Variants in DCP2 observed in about 807,000 individuals in gnomAD.
DCP2 encodes m7GpppN-mRNA hydrolase.
In DCP2, 30 loss-of-function variants were observed where a neutral mutation model predicts 56.1. That is an observed-to-expected ratio of 0.53 (90% confidence interval 0.40 to 0.73). DCP2 has a LOEUF of 0.73. DCP2 is among the 30% of genes least tolerant of loss of function. The pLI, the probability that DCP2 is intolerant of heterozygous loss-of-function variation, is 0.00. For missense variants in DCP2, 533 were observed against 502.7 expected, an observed-to-expected ratio of 1.06 and a Z score of -0.58; for synonymous variants, 197 against 163.3, an observed-to-expected ratio of 1.21 and a Z score of -1.57.
At chr5:113,007,380 C>G (rs1210058723) in intron 8 of DCP2, among the ~76,000 whole-genome samples, 1 of 11,608 alleles carries the variant, frequency 8.6e-5, no homozygotes, top group Non-Finnish European at 2.1e-4. Context: ...GGAAAGATTT[C>G]TTTCTTTCTT....
At chr5:112,987,396 A>T (rs756673921) in intron 2 of DCP2, among the ~76,000 whole-genome samples, 2 of 152,158 alleles carry the variant, frequency 1.3e-5, no homozygotes, top group Non-Finnish European at 2.9e-5. Flanking sequence ...ATATGAGGTG[A>T]TGATGGCATC....
chr5:113,001,304 A>T, intron 5 of DCP2, 53 bp from the exon 6 acceptor site: 1 of 1,598,112 alleles, frequency 6.3e-7, no homozygotes. Flanking sequence ...AAATCCTTTT[A>T]TAAGCTCCTT....
At chr5:112,996,295 A>G (rs896798402) in intron 4 of DCP2, among the ~76,000 whole-genome samples, 1 of 152,142 alleles carries the variant, frequency 6.6e-6, no homozygotes, top group Non-Finnish European at 1.5e-5. Context: ...CATTCTTCAT[A>G]GTTTATTAAT....
At chr5:112,986,160 T>A (rs1748274110) in intron 2 of DCP2, 174 bp downstream of exon 2, 8 of 574,232 alleles carry the variant, frequency 1.4e-5, no homozygotes, top group African/African-American at 5.5e-5. Context: ...ATATTAATAA[T>A]CATAATCATT....
At chr5:112,977,030 C>T (rs768601447) in intron 1 of DCP2, 44 bp downstream of exon 1, 2 of 1,454,622 alleles carry the variant, frequency 1.4e-6, no homozygotes, top group Non-Finnish European at 1.8e-6. Context: ...CGGGTTTTCT[C>T]AGTTTCGCGG....
intron 2 of DCP2, among the ~76,000 whole-genome samples, chr5:112,991,718 G>T (rs976041616): frequency 1.3e-5 from 2 of 151,820 alleles, no homozygotes; most frequent in Non-Finnish European, 2.9e-5. Context: ...TCTATTTCTT[G>T]TTATTACGCT....
In DCP2 at chr5:113,013,379, A is replaced by G; in HGVS notation, c.1158A>G (p.Gly386=). The change falls in exon 11 of 11, where the codon GGA becomes GGG. Residue 386 remains glycine, a synonymous_variant. Transcript: ENST00000389063. The stretch of plus-strand genomic sequence containing the variant: ...ACCAGTTGCTAGAACATGCTGAGGG[A>G]CAGCCCGTGGCATGTAATGGACATT... ...SEDQLLEHAE[G]QPVACNGHCK... 6.2e-7 allele frequency: 1 copy of G among 1,614,144 alleles called. No homozygotes were observed. Among genetic ancestry groups the G allele is most frequent in the East Asian group, 2.2e-5 (1 of 44,876 alleles).
chr5:112,995,958 C>CAG (rs1375467843), intron 4 of DCP2, among the ~76,000 whole-genome samples: 1 of 152,208 alleles, frequency 6.6e-6, no homozygotes, highest in Non-Finnish European at 1.5e-5. Flanking sequence ...TGTGTACATG[C>CAG]AGAGAGAGAT....
At chr5:112,986,341 CTTT>C (rs34825323) in intron 2 of DCP2, among the ~76,000 whole-genome samples, 2 of 144,482 alleles carry the variant, frequency 1.4e-5, no homozygotes, top group African/African-American at 5.0e-5. Context: ...AATTTTTTTT[CTTT>C]TTTTTTTTTA....
chr5:113,000,215 C>T (rs1213141905), intron 4 of DCP2, among the ~76,000 whole-genome samples: 1 of 152,118 alleles, frequency 6.6e-6, no homozygotes, highest in African/African-American at 2.4e-5. Flanking sequence ...TCTTTGGCCT[C>T]CCAAAGTACT....
chr5:113,008,229 G>A (rs1302952503), intron 9 of DCP2, 187 bp downstream of exon 9: 9 of 485,810 alleles, frequency 1.9e-5, no homozygotes, highest in East Asian at 1.8e-4. Context: ...AATTACAAAT[G>A]TATAATGTTG....
chr5:112,991,156 T>C (rs1164037596), intron 2 of DCP2, among the ~76,000 whole-genome samples: 3 of 152,194 alleles, frequency 2.0e-5, no homozygotes, highest in African/African-American at 4.8e-5. Context: ...TTGATACATA[T>C]GGTCATCTAG....
chr5:113,013,471 T>A lies in DCP2; in HGVS notation c.1250T>A (p.Ile417Asn), dbSNP rs1209984889. 2 of 1,613,856 alleles carry A rather than the reference T, an allele frequency of 1.2e-6. 1 individual carries two copies. The highest frequency in any genetic ancestry group is 2.7e-5 in the African/African-American group (2 of 74,880). The change falls in exon 11 of 11, where the codon ATC becomes AAC. Residue 417 changes from isoleucine (I) to asparagine (N), a missense_variant. Physicochemically the swap from Ile to Asn is moderately radical, Grantham distance 149 (BLOSUM62 -3). Transcript: ENST00000389063. ...FKFDHNAIMK[I>N]LDL is the part of the protein sequence containing the mutation. ...TTTGACCATAATGCTATAATGAAAA[T>A]CTTGGACCTTTGATAGCAGCACATG... is the stretch of plus-strand genomic sequence containing the variant.
chr5:113,012,380 C>T (rs1469676595), intron 10 of DCP2, among the ~76,000 whole-genome samples: 2 of 152,196 alleles, frequency 1.3e-5, no homozygotes, highest in African/African-American at 4.8e-5. Flanking sequence ...CATACTATAA[C>T]TTGGTATATC....
chr5:112,989,025 T>C (rs748027072), intron 2 of DCP2, among the ~76,000 whole-genome samples: 6 of 152,224 alleles, frequency 3.9e-5, no homozygotes, highest in Non-Finnish European at 7.3e-5. Context: ...TTTAATGTGG[T>C]ACACTTCATT....
intron 4 of DCP2, among the ~76,000 whole-genome samples, chr5:112,997,479 G>T (rs1748914628): frequency 1.3e-5 from 2 of 152,100 alleles, no homozygotes; most frequent in South Asian, 2.1e-4. Flanking sequence ...TAATTTAATA[G>T]AATTAATACA....
chr5:113,007,005 G>C (rs917912089), intron 8 of DCP2, among the ~76,000 whole-genome samples: 1 of 152,032 alleles, frequency 6.6e-6, no homozygotes, highest in Admixed American at 6.6e-5. Flanking sequence ...GGGCATGGTG[G>C]CATATGCTTG....
intron 1 of DCP2, among the ~76,000 whole-genome samples, chr5:112,979,495 A>G (rs1015160190): frequency 6.6e-6 from 1 of 152,010 alleles, no homozygotes; most frequent in African/African-American, 2.4e-5. Context: ...GTACGTCTTG[A>G]TTTATGAATT....
chr5:113,013,240 T>C (rs113011134), intron 10 of DCP2, 81 bp from the exon 11 acceptor site: 1 of 1,432,148 alleles, frequency 7.0e-7, no homozygotes. Context: ...AACTAATTGT[T>C]TTGTAACAAA....
Sources: allele counts gnomAD v4.1 joint callset (sites outside exome capture counted in the v4.1 genomes callset), GRCh38; gene constraint gnomAD v4.1.1; transcripts MANE v1.5; gene names NCBI Gene and HGNC (gene_info 2026-07-23, HGNC 2026-07-21).